Variants in UBR4 observed in about 807,000 individuals in gnomAD.
UBR4 encodes E3 ubiquitin-protein ligase UBR4.
In UBR4, 124 loss-of-function variants were observed where a neutral mutation model predicts 575.6. The ratio of observed to expected loss-of-function variants is 0.22; its 90% CI spans 0.19 to 0.25. The LOEUF (loss-of-function observed/expected upper bound fraction) is 0.25. Among genes scored for constraint, UBR4 ranks in the 10% least tolerant of loss-of-function variants. The probability of loss-of-function intolerance (pLI) is 1.00; values close to 1 mark genes in which losing one functional copy is unlikely to be tolerated. For synonymous variants in UBR4, 2,455 were observed against 2,473.7 expected (o/e 0.99, Z 0.22); for missense variants, 4,818 against 6,478.8 (o/e 0.74, Z 8.80).
At chr1:19,131,265 A>T (rs903918454) in intron 60 of UBR4, among the ~76,000 whole-genome samples, 35 of 150,816 alleles carry the variant, frequency 2.3e-4, no homozygotes, top group Middle Eastern at 3.4e-3. Flanking sequence ...AAAAAAAAAA[A>T]AAAATAAACA....
In UBR4 at chr1:19,106,963, C is replaced by T. The variant is rs1448582456; in HGVS notation, c.12109G>A (p.Val4037Ile). 6.2e-7 allele frequency: 1 copy of T among 1,611,870 alleles called. No individual in the cohort carries two copies. Among genetic ancestry groups the T allele is most frequent in the East Asian group, 2.2e-5 (1 of 44,828 alleles). The change falls in exon 82 of 106, where the codon GTC (valine) becomes ATC (isoleucine). Residue 4037 changes from valine (V) to isoleucine (I), a missense_variant. By Grantham distance (29) the Val-to-Ile change is conservative (BLOSUM62 3). Coordinates refer to ENST00000375254, the MANE Select transcript of UBR4 (RefSeq NM_020765.3). ...ACCGTGGTGAGGGCCTCAACGGGGA[C>T]ATCCTGGAGGAGGCAAGTGGAGCAA... ...PAPTSKKNKD[V>I]PVEALTTVKP...
chr1:19,077,939 T>C, intron 104 of UBR4, 37 bp downstream of exon 104: 1 of 1,613,296 alleles, frequency 6.2e-7, no homozygotes, highest in Non-Finnish European at 8.5e-7. Flanking sequence ...TTTTACACTC[T>C]TGCCAAAACC....
At chr1:19,081,274 T>C (rs1476642071) in intron 103 of UBR4, 75 bp downstream of exon 103, 1 of 1,311,652 alleles carries the variant, frequency 7.6e-7, no homozygotes, top group Admixed American at 2.3e-5. Flanking sequence ...ACCTAGCACG[T>C]GCGTACCACT....
At chr1:19,136,977 T>C (rs1188960454) in intron 60 of UBR4, among the ~76,000 whole-genome samples, 1 of 126,804 alleles carries the variant, frequency 7.9e-6, no homozygotes, top group Non-Finnish European at 1.9e-5. Context: ...TCAGGCACCA[T>C]TTTTTTTACC....
chr1:19,076,196 G>A (rs1214587741), intron 105 of UBR4, among the ~76,000 whole-genome samples: 6 of 152,244 alleles, frequency 3.9e-5, no homozygotes, highest in Admixed American at 3.9e-4. Context: ...TTTACTAGCA[G>A]TAGGATAAGG....
chr1:19,165,240 GTCAC>G lies in UBR4; in HGVS notation c.4312+5_4312+8del. Reference sequence around the variant, plus strand: ...TCCCATAAGAAGATTACTAAAAGCTGTCACTCACTCAGCTGGAAGAGTTTGGTGA... The same window carrying G: ...TCCCATAAGAAGATTACTAAAAGCTGTCACTCAGCTGGAAGAGTTTGGTGA... On this transcript the variant is annotated splice_donor_5th_base_variant and intron_variant, in intron 31 of 105. Coordinates refer to ENST00000375254, the MANE Select transcript of UBR4 (RefSeq NM_020765.3). 6.2e-7 allele frequency: 1 copy of G among 1,610,692 alleles called. No individual in the cohort carries two copies. The highest frequency in any genetic ancestry group is 8.5e-7 in the Non-Finnish European group (1 of 1,176,932).
Position 19,115,386 on chromosome 1 carries a change from C to T in UBR4, c.11063+12G>A, listed in dbSNP as rs1490656207. The T allele has an allele frequency of 3.1e-6, 5 of 1,613,424 alleles. No individual in the cohort carries two copies. Among genetic ancestry groups the T allele is most frequent in the Non-Finnish European group, 4.2e-6 (5 of 1,179,572 alleles). On this transcript the variant is annotated intron_variant, in intron 74 of 105. Transcript: ENST00000375254. ...TGCACAGCCCTGGCCTAGGGGATGA[C>T]CAATGACTTACCTGCATTTGTGACA...
At chr1:19,145,161 T>C (rs2084668526) in intron 53 of UBR4, among the ~76,000 whole-genome samples, 1 of 152,180 alleles carries the variant, frequency 6.6e-6, no homozygotes, top group South Asian at 2.1e-4. Flanking sequence ...TAAGTAGCTG[T>C]CCACTCTCTC....
At position 19,173,182 on chromosome 1, in the gene UBR4, T is replaced by A; in HGVS notation, c.3290A>T (p.Gln1097Leu). The A allele has an allele frequency of 6.2e-7, 1 of 1,614,234 alleles. No homozygotes were observed. The highest frequency in any genetic ancestry group is 8.5e-7 in the Non-Finnish European group (1 of 1,180,036). ...VEIVEEYFAR[Q>L]ISSFCSIDCT... is the part of the protein sequence containing the mutation. Reference sequence around the variant, plus strand: ...CATTTAGGTTCCAATATTACATACCTGTCGAGCGAAGTATTCCTCTACTAT... The same window carrying A: ...CATTTAGGTTCCAATATTACATACCAGTCGAGCGAAGTATTCCTCTACTAT... The change falls in exon 24 of 106, where the codon CAG becomes CTG. Residue 1097 changes from glutamine (Q) to leucine (L), a missense_variant and splice_region_variant. By Grantham distance (113) the Gln-to-Leu change is moderately radical. Around this residue, in one of 29 missense-constraint regions of UBR4, gnomAD observed 1,172 missense variants for 1,259.7 expected, o/e 0.93. Coordinates refer to ENST00000375254, the MANE Select transcript of UBR4 (RefSeq NM_020765.3).
intron 39 of UBR4, among the ~76,000 whole-genome samples, chr1:19,158,241 G>T (rs1487985350): frequency 6.6e-6 from 1 of 152,116 alleles, no homozygotes; most frequent in East Asian, 1.9e-4. Context: ...TTAAAAAAAT[G>T]TTAAAATGTC....
rs759639792 is a variant in UBR4, at chr1:19,155,653, C to A, written c.6088G>T (p.Val2030Phe). 2 of 1,614,076 alleles carry A rather than the reference C, an allele frequency of 1.2e-6. No homozygotes were observed. Among genetic ancestry groups the A allele is most frequent in the South Asian group, 2.2e-5 (2 of 91,080 alleles). ...ADFVKIYDLC[V>F]DALSPTFYFL... ...TAGAAGGTTGGACTCAAGGCATCAA[C>A]ACACAGGTCATAAATCTGCAGGATG... Residue 2030 changes from valine (V) to phenylalanine (F), a missense_variant, in exon 43 of 106, where the codon GTT becomes TTT. Coordinates refer to ENST00000375254, the MANE Select transcript of UBR4 (RefSeq NM_020765.3).
chr1:19,175,142 A>T, intron 20 of UBR4, 109 bp from the exon 21 acceptor site: 3 of 993,406 alleles, frequency 3.0e-6, no homozygotes, highest in Non-Finnish European at 4.4e-6. Flanking sequence ...CCCAACCTTA[A>T]CAATATTGAC....
chr1:19,171,395 G>C (rs926846543), intron 25 of UBR4, among the ~76,000 whole-genome samples: 1 of 152,088 alleles, frequency 6.6e-6, no homozygotes, highest in Non-Finnish European at 1.5e-5. Context: ...TACCTGGCAC[G>C]TAGCAGCCAT....
At chr1:19,077,422 G>A (rs758193856) in intron 104 of UBR4, among the ~76,000 whole-genome samples, 4 of 152,212 alleles carry the variant, frequency 2.6e-5, no homozygotes, top group Non-Finnish European at 5.9e-5. Flanking sequence ...TCGGGAGCAG[G>A]TGACAGGAGT....
At position 19,122,876 on chromosome 1, in the gene UBR4, G is replaced by A. The variant is rs779360993; in HGVS notation, c.9773C>T (p.Ala3258Val). 4.3e-6 allele frequency: 7 copies of A among 1,614,128 alleles called. No homozygotes were observed. In the East Asian group the frequency reaches 1.1e-4, roughly 26 times the overall value. ...GIFLRASVVTASSGSALQYDT... is the reference protein window; with the variant it reads ...GIFLRASVVTVSSGSALQYDT... Reference sequence around the variant, plus strand: ...ATATTGCAAGGCGGAGCCTGAGCTGGCTGTAACCACACTTGCCCGGAGGAA... The same window carrying A: ...ATATTGCAAGGCGGAGCCTGAGCTGACTGTAACCACACTTGCCCGGAGGAA... The change falls in exon 66 of 106, where the codon GCC becomes GTC. Residue 3258 changes from alanine to valine, a missense_variant. Ala to Val is a moderately conservative substitution (Grantham distance 64). Around this residue, in one of 29 missense-constraint regions of UBR4, gnomAD observed 550 missense variants for 791.5 expected, o/e 0.69. Transcript: ENST00000375254.
rs1468356021 is a variant in UBR4 at position 19,155,593 on chromosome 1, T to C, written c.6148A>G (p.Thr2050Ala). ...LLPSSKIRDVTFLFNEEGKNI... is the reference protein window; with the variant it reads ...LLPSSKIRDVAFLFNEEGKNI... The stretch of plus-strand genomic sequence containing the variant: ...TTTCCCTCCTCATTGAAAAGGAAGG[T>C]AACATCTCTTATCTTTGAGCTTGGC... Residue 2050 changes from threonine to alanine, a missense_variant, in exon 43 of 106, where the codon ACC (threonine) becomes GCC (alanine). Transcript: ENST00000375254. 1 of 1,614,084 alleles carries C rather than the reference T, an allele frequency of 6.2e-7. No homozygotes were observed. The highest frequency in any genetic ancestry group is 2.2e-5 in the East Asian group (1 of 44,892).
At chr1:19,161,419 A>G (rs2087347176) in intron 37 of UBR4, among the ~76,000 whole-genome samples, 170 bp downstream of exon 37, 1 of 152,206 alleles carries the variant, frequency 6.6e-6, no homozygotes, top group Non-Finnish European at 1.5e-5. Flanking sequence ...GCTGGTTCTG[A>G]TATTCTAAAT....
At chr1:19,104,798 T>C in intron 85 of UBR4, 132 bp from the exon 86 acceptor site, 1 of 1,149,464 alleles carries the variant, frequency 8.7e-7, no homozygotes, top group Non-Finnish European at 1.3e-6. Context: ...CTTGCAGAAC[T>C]CCTTTCCAGG....
rs2083609221 is a variant in UBR4, at chr1:19,139,646, A to C, written c.8594-426T>G. On this transcript the variant is annotated intron_variant, in intron 58 of 105. Transcript: ENST00000375254. This position sits in a 1 kb window ranked among gnomAD's most constrained non-coding sequence, Gnocchi z 4.2. ...TCTGAAACTAGCCATTACCATTCAA[A>C]GCATAGAACTCTGAATTTTAATGAG... is the stretch of plus-strand genomic sequence containing the variant. 6.6e-6 allele frequency among the ~76,000 whole-genome samples: 1 copy of C among 152,236 alleles called. No homozygotes were observed. Among genetic ancestry groups the C allele is most frequent in the African/African-American group, 2.4e-5 (1 of 41,458 alleles).
Sources: gnomAD v4.1 joint callset for allele counts (sites outside exome capture counted in the v4.1 genomes callset) on GRCh38, gnomAD v4.1.1 for gene constraint, gnomAD v4.1.1 regional missense constraint, Gnocchi (gnomAD v3.1) non-coding constraint, MANE v1.5 for transcripts, NCBI Gene and HGNC (gene_info 2026-07-23, HGNC 2026-07-21) for gene names.